The following ERICH6B variants were observed in gnomAD, a reference collection of about 807,000 sequenced individuals.
ERICH6B encodes glutamate-rich protein 6B.
Under a neutral mutation model 80.0 loss-of-function variants are expected in ERICH6B, and 69 were observed. The observed-to-expected ratio is 0.86, with a 90% confidence interval of 0.71 to 1.05. The LOEUF (loss-of-function observed/expected upper bound fraction) is 1.05, where lower values mean the gene tolerates loss of function less well. ERICH6B is among the 50% of genes least tolerant of loss of function. The pLI is 0.00. For missense variants in ERICH6B, 754 were observed against 796.1 expected (o/e 0.95, Z 0.64); for synonymous variants, 283 against 291.9 (o/e 0.97, Z 0.31).
At chr13:45,580,701 T>A in intron 5 of ERICH6B, 36 bp from the exon 6 acceptor site, 1 of 1,547,382 alleles carries the variant, frequency 6.5e-7, no homozygotes, top group South Asian at 1.2e-5. Context: ...TATTAATGAT[T>A]TAAACCTTAC....
chr13:45,607,844 A>G (rs1278753593), intron 1 of ERICH6B, among the ~76,000 whole-genome samples: 4 of 151,830 alleles, frequency 2.6e-5, no homozygotes, highest in Non-Finnish European at 5.9e-5. Context: ...TGCCAACCCC[A>G]CCGCCACCCC....
At chr13:45,569,891 T>C (rs1593785598) in intron 8 of ERICH6B, among the ~76,000 whole-genome samples, 1 of 152,328 alleles carries the variant, frequency 6.6e-6, no homozygotes, top group Admixed American at 6.5e-5. Flanking sequence ...CCCATATTCC[T>C]GCCTCTAAAT....
intron 14 of ERICH6B, among the ~76,000 whole-genome samples, chr13:45,543,668 C>T (rs189850276): frequency 6.9e-4 from 105 of 152,350 alleles, no homozygotes; most frequent in African/African-American, 2.5e-3. Flanking sequence ...TGATCTCAGA[C>T]TTGGCCCAGA....
Position 45,562,378 on chromosome 13 carries a change from A to T in ERICH6B, c.1250-852T>A, listed in dbSNP as rs113273384. ...AAGCATTCAACTTGGTTTTCATTTC[A>T]TAGCAACAAGTTTCTTTTTATATTC... On this transcript the variant is annotated intron_variant, in intron 10 of 14. Coordinates refer to ENST00000298738, the MANE Select transcript of ERICH6B (RefSeq NM_182542.3). Among the ~76,000 whole-genome samples, 958 of 152,382 alleles carry T rather than the reference A, an allele frequency of 6.3e-3. 12 individuals are homozygous for T. Among genetic ancestry groups the T allele is most frequent in the African/African-American group, 0.022 (907 of 41,588 alleles).
chr13:45,572,527 G>A (rs992981032), intron 8 of ERICH6B, among the ~76,000 whole-genome samples: 1 of 152,114 alleles, frequency 6.6e-6, no homozygotes, highest in Non-Finnish European at 1.5e-5. Context: ...AGAAGAACAC[G>A]TAAATGAATT....
intron 8 of ERICH6B, among the ~76,000 whole-genome samples, chr13:45,568,993 T>C (rs1441275067): frequency 6.6e-6 from 1 of 152,226 alleles, no homozygotes; most frequent in Non-Finnish European, 1.5e-5. Context: ...ATTCTACAAA[T>C]GGCCAAGCTC....
rs1874153373 is a variant in ERICH6B at position 45,550,045 on chromosome 13, A to C, written c.1494T>G (p.His498Gln). The C allele has an allele frequency of 6.4e-7, 1 of 1,551,662 alleles. No homozygotes were observed. Among genetic ancestry groups the C allele is most frequent in the Non-Finnish European group, 8.7e-7 (1 of 1,147,080 alleles). ...ILFPDGTGQIHYPSGNLAMLI... is the reference protein window; with the variant it reads ...ILFPDGTGQIQYPSGNLAMLI... ...GCATAGCCAGGTTTCCTGATGGATA[A>C]CTGGGAGAAGGTTAAGGCACAAGTA... The change falls in exon 13 of 15, where the codon CAT (histidine) becomes CAG (glutamine). Residue 498 changes from histidine to glutamine, a missense_variant and splice_region_variant. Physicochemically the swap from His to Gln is conservative, Grantham distance 24. Transcript: ENST00000298738.
In ERICH6B at chr13:45,550,278, G is replaced by A. The variant is rs377216055; in HGVS notation, c.1446C>T (p.Asn482=). 1.9e-6 allele frequency: 3 copies of A among 1,551,530 alleles called. No individual in the cohort carries two copies. Among genetic ancestry groups the A allele is most frequent in the Non-Finnish European group, 1.7e-6 (2 of 1,146,954 alleles). Residue 482 remains asparagine (N), a synonymous_variant, in exon 12 of 15, where the codon AAC becomes AAT. Coordinates refer to ENST00000298738, the MANE Select transcript of ERICH6B (RefSeq NM_182542.3). ...QGDGKLILYP[N]KNVYQILFPD... is the part of the protein sequence containing the mutation. Reference sequence around the variant, plus strand: ...GAAAGAGAATTTGATAGACATTCTTGTTGGGGTAGAGAATTAATTTTCCAT... The same window carrying A: ...GAAAGAGAATTTGATAGACATTCTTATTGGGGTAGAGAATTAATTTTCCAT...
At position 45,596,996 on chromosome 13, in the gene ERICH6B, C is replaced by T; in HGVS notation, c.10G>A (p.Glu4Lys). Reference protein sequence around the residue: MSAENNQLSGASPP... With the variant: MSAKNNQLSGASPP... Reference sequence around the variant, plus strand: ...GATGCTCCTGATAACTGATTATTTTCAGCAGACATGCTGGGGAAGTCGTAG... The same window carrying T: ...GATGCTCCTGATAACTGATTATTTTTAGCAGACATGCTGGGGAAGTCGTAG... Residue 4 changes from glutamate to lysine, a missense_variant, in exon 3 of 15, where the codon GAA becomes AAA. By Grantham distance (56) the Glu-to-Lys change is moderately conservative (BLOSUM62 1). Coordinates refer to ENST00000298738, the MANE Select transcript of ERICH6B (RefSeq NM_182542.3). 3 of 1,542,822 alleles carry T rather than the reference C, an allele frequency of 1.9e-6. No homozygotes were observed. Among genetic ancestry groups the T allele is most frequent in the Non-Finnish European group, 2.6e-6 (3 of 1,141,084 alleles).
chr13:45,542,096 G>A (rs770457304), intron 14 of ERICH6B, among the ~76,000 whole-genome samples: 1 of 152,164 alleles, frequency 6.6e-6, no homozygotes, highest in South Asian at 2.1e-4. Context: ...TGGGCTCCTT[G>A]GGAGTGTATC....
At chr13:45,573,962 G>A (rs531987816) in intron 8 of ERICH6B, among the ~76,000 whole-genome samples, 2 of 152,152 alleles carry the variant, frequency 1.3e-5, no homozygotes, top group African/African-American at 4.8e-5. Flanking sequence ...CTTCATTGCA[G>A]TATTTCAGTA....
In ERICH6B at chr13:45,611,178, G is replaced by A. The variant is rs577269178; in HGVS notation, c.-110-3563C>T. 2.6e-5 allele frequency among the ~76,000 whole-genome samples: 4 copies of A among 152,196 alleles called. No homozygotes were observed. In the East Asian group the frequency reaches 7.7e-4, roughly 29 times the overall value. On this transcript the variant is annotated intron_variant, in intron 1 of 14. Coordinates refer to ENST00000298738, the MANE Select transcript of ERICH6B (RefSeq NM_182542.3). ...ATAAAGCAACTTTACTATAGCTATA[G>A]CATCCAACCGAATGCTAGAATCCCA...
At chr13:45,585,323 A>G (rs1348295933) in intron 5 of ERICH6B, among the ~76,000 whole-genome samples, 1 of 152,054 alleles carries the variant, frequency 6.6e-6, no homozygotes, top group Non-Finnish European at 1.5e-5. Context: ...GCCCATAAAC[A>G]TACTTATGGC....
intron 8 of ERICH6B, among the ~76,000 whole-genome samples, chr13:45,571,026 G>T (rs182974705): frequency 6.6e-6 from 1 of 152,160 alleles, no homozygotes; most frequent in East Asian, 1.9e-4. Flanking sequence ...GTCCCTACTT[G>T]TCCATATCTG....
chr13:45,592,733 T>C (rs3014935), intron 3 of ERICH6B, among the ~76,000 whole-genome samples: 59,652 of 152,086 alleles, frequency 0.39, 13,570 homozygotes, highest in Non-Finnish European at 0.51. Context: ...TATGGGGTGG[T>C]TTCACTCTAC....
intron 4 of ERICH6B, among the ~76,000 whole-genome samples, chr13:45,589,034 T>C (rs544464746): frequency 6.6e-6 from 1 of 151,996 alleles, no homozygotes; most frequent in Admixed American, 6.5e-5. Context: ...AGCCTTTCTG[T>C]TTATAAGGGA....
chr13:45,561,761 T>A (rs1593780238), intron 10 of ERICH6B, among the ~76,000 whole-genome samples: 1 of 152,160 alleles, frequency 6.6e-6, no homozygotes, highest in East Asian at 1.9e-4. Flanking sequence ...CAACATGTAC[T>A]TATCAAGTGC....
At position 45,609,431 on chromosome 13, in the gene ERICH6B, A is replaced by C. The variant is rs368237340; in HGVS notation, c.-110-1816T>G. ...TCATCTCTCCAGCAAGGCTTTCTAA[A>C]ACTGCCACCCCTGACCCTCACCTCC... On this transcript the variant is annotated intron_variant, in intron 1 of 14. Transcript: ENST00000298738. Among the ~76,000 whole-genome samples, 17 of 152,170 alleles carry C rather than the reference A, an allele frequency of 1.1e-4. No homozygotes were observed. The East Asian group carries it at 1.2e-3, about 10-fold the overall frequency.
intron 7 of ERICH6B, among the ~76,000 whole-genome samples, chr13:45,577,100 C>T (rs1875437419): frequency 6.6e-6 from 1 of 151,906 alleles, no homozygotes; most frequent in South Asian, 2.1e-4. Flanking sequence ...ACCTGGGCCA[C>T]TTCCGGCATG....
Sources: allele counts gnomAD v4.1 joint callset (sites outside exome capture counted in the v4.1 genomes callset), GRCh38; gene constraint gnomAD v4.1.1; transcripts MANE v1.5; gene names NCBI Gene and HGNC (gene_info 2026-07-23, HGNC 2026-07-21).